The following FAM149A variants were observed in gnomAD, a reference collection of about 807,000 sequenced individuals.
FAM149A encodes the protein protein FAM149A.
A neutral mutation model predicts 78.2 loss-of-function variants in FAM149A; 71 were observed. That is an observed-to-expected ratio of 0.91 (90% CI 0.75 to 1.11). The LOEUF (loss-of-function observed/expected upper bound fraction) is 1.11, where lower values mean the gene tolerates loss of function less well. FAM149A is among the 50% of genes least tolerant of loss of function. The pLI is 0.00. For synonymous variants in FAM149A, 446 were observed against 410.5 expected, an observed-to-expected ratio of 1.09 and a Z score of -1.04; for missense variants, 1,036 against 971.0, an observed-to-expected ratio of 1.07 and a Z score of -0.89.
chr4:186,129,524 T>A (rs979534815), intron 1 of FAM149A, among the ~76,000 whole-genome samples: 15 of 152,210 alleles, frequency 9.9e-5, no homozygotes, highest in African/African-American at 3.4e-4. Context: ...CTGGATTGTT[T>A]CAGACCAACC....
chr4:186,105,022 C>G lies in FAM149A; in HGVS notation c.-55C>G, dbSNP rs1326804726. On this transcript the variant is annotated 5_prime_UTR_variant, in exon 1 of 14. The change creates a new upstream start codon in the 5' untranslated region. Transcript: ENST00000389354. ...CCGGCCCGGGCCGCCTCGGCCGGAT[C>G]TCCGCGGTCTGAACTCTCGGGCGGC... The G allele has an allele frequency of 5.6e-6, 7 of 1,254,384 alleles. No homozygotes were observed. The highest frequency in any genetic ancestry group is 7.2e-6 in the Non-Finnish European group (7 of 973,948). The allele number at this position is 1,254,384 out of a possible 1,614,324, so 77.7% of individuals were successfully genotyped here. A position where few individuals can be genotyped will look rare whatever the true frequency, so the allele number is the denominator to read the frequency against.
intron 1 of FAM149A, chr4:186,116,604 TTTTAA>T (rs1444875034): frequency 3.6e-6 from 3 of 834,960 alleles, no homozygotes; most frequent in Admixed American, 7.6e-4. Context: ...AATTTTTTTT[TTTTAA>T]TTTGAGACAG....
chr4:186,140,477 G>A (rs2099325368), intron 1 of FAM149A, among the ~76,000 whole-genome samples: 1 of 118,576 alleles, frequency 8.4e-6, no homozygotes, highest in East Asian at 2.5e-4. Flanking sequence ...TAGAGACAAC[G>A]TCTCATTATG....
At chr4:186,170,009 A>T (rs767299968) in intron 13 of FAM149A, 23 of 904,322 alleles carry the variant, frequency 2.5e-5, no homozygotes, top group African/African-American at 3.6e-5. Context: ...TTCAAAGTTC[A>T]TCCCCATTTG....
chr4:186,140,370 G>A (rs572362660), intron 1 of FAM149A, among the ~76,000 whole-genome samples: 1 of 151,518 alleles, frequency 6.6e-6, no homozygotes, highest in East Asian at 1.9e-4. Flanking sequence ...TCCATCTCCG[G>A]GGCTCTAAGT....
At position 186,125,370 on chromosome 4, in the gene FAM149A, C is replaced by A. The variant is rs114260776; in HGVS notation, c.566+19728C>A. 1.2e-3 allele frequency: 1,130 copies of A among 977,504 alleles called. 17 individuals are homozygous for A. The African/African-American group carries it at 0.019, about 16-fold the overall frequency. The allele number at this position is 977,504 out of a possible 1,614,324, so 60.6% of individuals were successfully genotyped here. On this transcript the variant is annotated intron_variant, in intron 1 of 13. Transcript: ENST00000389354. Reference sequence around the variant, plus strand: ...CTACACCCACATCCCCTGCGGAGGTCTCTTGATGATAGCCACTGCTGAGGG... The same window carrying A: ...CTACACCCACATCCCCTGCGGAGGTATCTTGATGATAGCCACTGCTGAGGG...
Position 186,172,051 on chromosome 4 carries a change from T to C in FAM149A, c.*64T>C. 1 of 1,579,122 alleles carries C rather than the reference T, an allele frequency of 6.3e-7. No individual in the cohort carries two copies. The highest frequency in any genetic ancestry group is 8.6e-7 in the Non-Finnish European group (1 of 1,166,862). On this transcript the variant is annotated 3_prime_UTR_variant, in exon 14 of 14. Coordinates refer to ENST00000389354, the MANE Select transcript of FAM149A (RefSeq NM_001367768.3). ...GGCACACTGCTTATCACTTGAAAAATGGAGGAACAAGTGTTATATTTATCT... is the reference window on the plus strand; with the variant it reads ...GGCACACTGCTTATCACTTGAAAAACGGAGGAACAAGTGTTATATTTATCT...
chr4:186,146,011 A>G (rs1579865320), intron 1 of FAM149A, among the ~76,000 whole-genome samples: 2 of 152,130 alleles, frequency 1.3e-5, no homozygotes, highest in Admixed American at 1.3e-4. Context: ...AAAAAAAAGA[A>G]AAAGACAAGA....
intron 1 of FAM149A, chr4:186,132,019 T>A: frequency 1.0e-6 from 1 of 985,460 alleles, no homozygotes; most frequent in Non-Finnish European, 1.2e-6. Context: ...AGCTTTCTTA[T>A]TATCTCCATA....
In FAM149A at chr4:186,164,888, T is replaced by C. The variant is rs1458398224; in HGVS notation, c.1890-456T>C. On this transcript the variant is annotated intron_variant, in intron 10 of 13. Transcript: ENST00000389354. The surrounding 1 kb of genome is among the most constrained non-coding windows in gnomAD (Gnocchi z 4.0). ...AGCCCTTTTCGACCATTCTTCCCAA[T>C]TGCTCTCCCTACACATGGAATTGTA... 2.6e-5 allele frequency among the ~76,000 whole-genome samples: 4 copies of C among 152,058 alleles called. No individual in the cohort carries two copies. The highest frequency in any genetic ancestry group is 4.4e-5 in the Non-Finnish European group (3 of 68,008).
chr4:186,155,928 A>G, intron 6 of FAM149A, 72 bp from the exon 7 acceptor site: 1 of 1,205,856 alleles, frequency 8.3e-7, no homozygotes, highest in South Asian at 1.4e-5. Flanking sequence ...ACATACGTGA[A>G]TGTGTGTAGA....
intron 13 of FAM149A, chr4:186,167,781 G>A (rs1735187705): frequency 4.9e-6 from 1 of 203,910 alleles, no homozygotes; most frequent in African/African-American, 2.3e-5. Context: ...TTCCAGAACA[G>A]TCTCCAACAC....
chr4:186,152,637 T>C (rs1733684463), intron 4 of FAM149A, among the ~76,000 whole-genome samples: 2 of 146,714 alleles, frequency 1.4e-5, no homozygotes, highest in Admixed American at 7.0e-5. Flanking sequence ...CTCAGCCTCC[T>C]TGGTTCACGC....
At chr4:186,142,004 C>G (rs1403844929) in intron 1 of FAM149A, among the ~76,000 whole-genome samples, 1 of 152,134 alleles carries the variant, frequency 6.6e-6, no homozygotes, top group Non-Finnish European at 1.5e-5. Flanking sequence ...ACCCCCTTCC[C>G]CAGCCTTCCC....
rs1325618041 is a variant in FAM149A, at chr4:186,137,014, CTCTCTAA to C, written c.567-12158_567-12152del. Reference sequence around the variant, plus strand: ...TCTCTCTCTCTCTCTCTCTCTCTCTCTCTCTAAGTGCTTAAAGCAGGGCCTGGTGTGT... The same window carrying C: ...TCTCTCTCTCTCTCTCTCTCTCTCTCGTGCTTAAAGCAGGGCCTGGTGTGT... On this transcript the variant is annotated intron_variant, in intron 1 of 13. Transcript: ENST00000389354. Among the ~76,000 whole-genome samples the C allele has an allele frequency of 0.01, 1,275 of 126,784 alleles. 32 individuals carry two copies. The East Asian group carries it at 0.1, about 10-fold the overall frequency. 83.2% of individuals were successfully genotyped at this position (126,784 alleles called of 152,430 possible).
chr4:186,110,933 T>C (rs2099310994), intron 1 of FAM149A, among the ~76,000 whole-genome samples: 1 of 139,816 alleles, frequency 7.2e-6, no homozygotes, highest in Non-Finnish European at 1.5e-5. Flanking sequence ...CTGGGTCAAA[T>C]GGTATTTCTA....
Position 186,168,785 on chromosome 4 carries a change from ACAG to A in FAM149A, c.2218+1527_2218+1529del, listed in dbSNP as rs1735282536. 2.6e-5 allele frequency among the ~76,000 whole-genome samples: 4 copies of A among 152,282 alleles called. No homozygotes were observed. The South Asian group carries it at 8.3e-4, about 32-fold the overall frequency. Reference sequence around the variant, plus strand: ...GTCTATGCCAAAGGCTGGGATTCAAACAGCAGGGGTGTTTCCGTCTGTGCCTCA... The same window carrying A: ...GTCTATGCCAAAGGCTGGGATTCAAACAGGGGTGTTTCCGTCTGTGCCTCA... On this transcript the variant is annotated intron_variant, in intron 13 of 13. Coordinates refer to ENST00000389354, the MANE Select transcript of FAM149A (RefSeq NM_001367768.3).
intron 1 of FAM149A, among the ~76,000 whole-genome samples, chr4:186,147,169 G>A (rs1733118850): frequency 6.6e-6 from 1 of 152,170 alleles, no homozygotes; most frequent in African/African-American, 2.4e-5. Context: ...GATCACTTGA[G>A]CCCAAGAGTT....
At chr4:186,140,441 C>CTTTTTTTTTTTTTT (rs67506672) in intron 1 of FAM149A, among the ~76,000 whole-genome samples, 1 of 104,964 alleles carries the variant, frequency 9.5e-6, no homozygotes, top group African/African-American at 3.7e-5. Context: ...ACACACCTAG[C>CTTTTTTTTTTTTTT]TTTTTTTTTT....
Sources: allele counts gnomAD v4.1 joint callset (sites outside exome capture counted in the v4.1 genomes callset), GRCh38; gene constraint gnomAD v4.1.1; non-coding constraint Gnocchi (gnomAD v3.1); transcripts MANE v1.5; gene names NCBI Gene and HGNC (gene_info 2026-07-23, HGNC 2026-07-21).